CALML4: variants seen among roughly 807,000 people sequenced by gnomAD.
CALML4 encodes the protein calmodulin-like protein 4.
In CALML4, 16 loss-of-function variants were observed where a neutral mutation model predicts 17.9. The observed-to-expected ratio is 0.89, with a 90% CI of 0.61 to 1.36. The LOEUF (loss-of-function observed/expected upper bound fraction) is 1.36, where lower values mean the gene tolerates loss of function less well. Among genes scored for constraint, CALML4 ranks in the 40% most tolerant of loss-of-function variants. The pLI is 0.00. For synonymous variants in CALML4, 86 were observed against 71.5 expected, an observed-to-expected ratio of 1.20 and a Z score of -1.02; for missense variants, 203 against 194.8, an observed-to-expected ratio of 1.04 and a Z score of -0.25.
chr15:68,202,120 T>G (rs540200068), intron 2 of CALML4, among the ~76,000 whole-genome samples: 1 of 152,344 alleles, frequency 6.6e-6, no homozygotes, highest in Admixed American at 6.5e-5. Flanking sequence ...TTAAGTCTTC[T>G]CTTTGAAAAT....
Position 68,204,871 on chromosome 15 carries a change from C to T in CALML4, c.34+250G>A, listed in dbSNP as rs1315996624. Among the ~76,000 whole-genome samples the T allele has an allele frequency of 6.6e-6, 1 of 152,214 alleles. No individual in the cohort carries two copies. The highest frequency in any genetic ancestry group is 1.9e-4 in the East Asian group (1 of 5,156). On this transcript the variant is annotated intron_variant, in intron 2 of 4. Transcript: ENST00000467889. The surrounding 1 kb of genome is among the most constrained non-coding windows in gnomAD (Gnocchi z 6.0). The stretch of plus-strand genomic sequence containing the variant: ...CAACTGGTCAGGTTCTGGAGGGAAA[C>T]CTAGTAAGTTCTGTCTTAGCGCCCT...
upstream of CALML4, chr15:68,205,529 G>A: frequency 1.1e-6 from 1 of 885,294 alleles, no homozygotes; most frequent in Non-Finnish European, 1.7e-6. This position sits in a 1 kb window ranked among gnomAD's most constrained non-coding sequence, Gnocchi z 4.8. Flanking sequence ...CGAAGCAAAG[G>A]GACAAATGCC....
intron 3 of CALML4, among the ~76,000 whole-genome samples, chr15:68,199,318 G>A (rs1049657110): frequency 2.6e-5 from 4 of 152,108 alleles, no homozygotes; most frequent in East Asian, 1.9e-4. Context: ...CTGTTGGAAC[G>A]CCTAGATCCC....
intron 4 of CALML4, among the ~76,000 whole-genome samples, chr15:68,196,340 G>T (rs912575243): frequency 1.3e-5 from 2 of 151,802 alleles, no homozygotes; most frequent in African/African-American, 4.9e-5. Context: ...AGGGACCTGA[G>T]GGGTCACCTA....
In CALML4 at chr15:68,197,524, C is replaced by T; in HGVS notation, c.280G>A (p.Asp94Asn). 1.1e-5 allele frequency: 18 copies of T among 1,614,162 alleles called. No individual in the cohort carries two copies. Among genetic ancestry groups the T allele is most frequent in the Non-Finnish European group, 1.5e-5 (18 of 1,180,030 alleles). ...KEILLAMLMV[D>N]KEKKGYVMAS... ...ATGACGTAACCTTTCTTCTCCTTGT[C>T]CACCATCAACATGGCTAGAAGAATT... Residue 94 changes from aspartate (D) to asparagine (N), a missense_variant, in exon 4 of 5, where the codon GAC becomes AAC. Transcript: ENST00000467889. The surrounding 1 kb of genome is among the most constrained non-coding windows in gnomAD (Gnocchi z 4.1).
rs1192754081 is a variant in CALML4 at position 68,200,521 on chromosome 15, C to T, written c.35-840G>A. Among the ~76,000 whole-genome samples, 2 of 152,202 alleles carry T rather than the reference C, an allele frequency of 1.3e-5. No individual in the cohort carries two copies. Among genetic ancestry groups the T allele is most frequent in the Non-Finnish European group, 2.9e-5 (2 of 68,026 alleles). On this transcript the variant is annotated intron_variant, in intron 2 of 4. Transcript: ENST00000467889. This position sits in a 1 kb window ranked among gnomAD's most constrained non-coding sequence, Gnocchi z 4.3. ...CCCACGGGCTCCCGGCCCTGGGAGG[C>T]CCAGGAAGGCCAGCTGGGAGTTCAG... is the stretch of plus-strand genomic sequence containing the variant.
Position 68,192,397 on chromosome 15 carries a change from C to T in CALML4, c.*1618G>A, listed in dbSNP as rs894149955. 1 of 152,230 alleles carries T rather than the reference C, an allele frequency of 6.6e-6. No homozygotes were observed. Among genetic ancestry groups the T allele is most frequent in the Non-Finnish European group, 1.5e-5 (1 of 68,068 alleles). 9.4% of individuals were successfully genotyped at this position (152,230 alleles called of 1,614,324 possible). A position where few individuals can be genotyped will look rare whatever the true frequency, so the allele number is the denominator to read the frequency against. ...TTCTGTTTTTGTATTCTTAAGGCAG[C>T]CAAATCTCGTAAACCTCAGACCCCA... On this transcript the variant is annotated 3_prime_UTR_variant, in exon 5 of 5. Coordinates refer to ENST00000467889, the MANE Select transcript of CALML4 (RefSeq NM_033429.3).
intron 3 of CALML4, among the ~76,000 whole-genome samples, chr15:68,198,827 G>A (rs1490766713): frequency 2.0e-5 from 3 of 151,984 alleles, no homozygotes; most frequent in East Asian, 3.9e-4. Context: ...ATTGGCTCAA[G>A]AACTTAATGG....
intron 2 of CALML4, 24 bp from the exon 3 acceptor site, chr15:68,199,705 T>G: frequency 6.2e-7 from 1 of 1,605,278 alleles, no homozygotes; most frequent in Non-Finnish European, 8.5e-7. Context: ...AGAGGGAGGG[T>G]CAGCAGCGTC....
chr15:68,203,188 G>A (rs1027309463), intron 2 of CALML4, among the ~76,000 whole-genome samples: 3 of 152,174 alleles, frequency 2.0e-5, no homozygotes, highest in Non-Finnish European at 4.4e-5. Flanking sequence ...GACATCAGGT[G>A]ATCCACATGC....
At chr15:68,203,340 T>G (rs1244807697) in intron 2 of CALML4, among the ~76,000 whole-genome samples, 1 of 152,270 alleles carries the variant, frequency 6.6e-6, no homozygotes, top group African/African-American at 2.4e-5. Context: ...ATGAGTGCGA[T>G]TCTTTTTCCA....
In CALML4 at chr15:68,204,749, G is replaced by A. The variant is rs1440108445; in HGVS notation, c.34+372C>T. On this transcript the variant is annotated intron_variant, in intron 2 of 4. Transcript: ENST00000467889. The surrounding 1 kb of genome is among the most constrained non-coding windows in gnomAD (Gnocchi z 6.0). ...GCCAGAGAGTGCAGACCTGGCCTCT[G>A]TTCTGTCTCAATTACAAAGCCCCTC... is the stretch of plus-strand genomic sequence containing the variant. Among the ~76,000 whole-genome samples the A allele has an allele frequency of 2.0e-5, 3 of 152,050 alleles. No homozygotes were observed. The highest frequency in any genetic ancestry group is 7.3e-5 in the African/African-American group (3 of 41,374).
rs756665915 is a variant in CALML4, at chr15:68,197,639, C to G, written c.176-11G>C. The G allele has an allele frequency of 1.2e-6, 2 of 1,612,672 alleles. No individual in the cohort carries two copies. Among genetic ancestry groups the G allele is most frequent in the African/African-American group, 2.7e-5 (2 of 74,768 alleles). ...GCTCTCCATTTCCGTCTAGGAAACCCGCAAACACAGCAGAGTGAGCAGAGG... is the reference window on the plus strand; with the variant it reads ...GCTCTCCATTTCCGTCTAGGAAACCGGCAAACACAGCAGAGTGAGCAGAGG... On this transcript the variant is annotated splice_polypyrimidine_tract_variant and intron_variant, in intron 3 of 4. Transcript: ENST00000467889. This position sits in a 1 kb window ranked among gnomAD's most constrained non-coding sequence, Gnocchi z 4.1.
At chr15:68,199,425 C>G in intron 3 of CALML4, 116 bp downstream of exon 3, 2 of 1,168,138 alleles carry the variant, frequency 1.7e-6, no homozygotes, top group Non-Finnish European at 2.4e-6. Flanking sequence ...ACAGCTGGAT[C>G]CCCAGGAGGC....
chr15:68,199,765 T>A (rs2093159263), intron 2 of CALML4, 84 bp from the exon 3 acceptor site: 1 of 1,451,728 alleles, frequency 6.9e-7, no homozygotes, highest in African/African-American at 1.4e-5. Flanking sequence ...CTCTTCTCCC[T>A]CTTTTCCCCT....
At chr15:68,194,171 G>A in intron 4 of CALML4, 59 bp from the exon 5 acceptor site, 4 of 1,391,480 alleles carry the variant, frequency 2.9e-6, no homozygotes, top group Non-Finnish European at 4.1e-6. Flanking sequence ...ATAAAACAGT[G>A]AGTTTTTTGG....
At chr15:68,205,449 A>G, upstream of CALML4, 1 of 1,589,494 alleles carries the variant, frequency 6.3e-7, no homozygotes, top group South Asian at 1.1e-5. The surrounding 1 kb of genome is among the most constrained non-coding windows in gnomAD (Gnocchi z 4.8). Flanking sequence ...CCACCTGGGC[A>G]GGTTGGATTT....
At chr15:68,198,636 A>G (rs1281660930) in intron 3 of CALML4, 15 of 152,228 alleles carry the variant, frequency 9.9e-5, no homozygotes, top group Admixed American at 9.8e-4. Flanking sequence ...AAAATACAGG[A>G]AACAATAAAA....
chr15:68,197,633 G>C lies in CALML4; in HGVS notation c.176-5C>G. On this transcript the variant is annotated splice_region_variant and splice_polypyrimidine_tract_variant and intron_variant, in intron 3 of 4. Transcript: ENST00000467889. This position sits in a 1 kb window ranked among gnomAD's most constrained non-coding sequence, Gnocchi z 4.1. ...AATCCAGCTCTCCATTTCCGTCTAGGAAACCCGCAAACACAGCAGAGTGAG... is the reference window on the plus strand; with the variant it reads ...AATCCAGCTCTCCATTTCCGTCTAGCAAACCCGCAAACACAGCAGAGTGAG... The C allele has an allele frequency of 6.2e-7, 1 of 1,613,348 alleles. No individual in the cohort carries two copies. The highest frequency in any genetic ancestry group is 8.5e-7 in the Non-Finnish European group (1 of 1,179,634).
Sources: gnomAD v4.1 joint callset for allele counts (sites outside exome capture counted in the v4.1 genomes callset) on GRCh38, gnomAD v4.1.1 for gene constraint, Gnocchi (gnomAD v3.1) non-coding constraint, MANE v1.5 for transcripts, NCBI Gene and HGNC (gene_info 2026-07-23, HGNC 2026-07-21) for gene names.